Variants in CTDSPL observed in about 807,000 individuals in gnomAD.
CTDSPL encodes the protein CTD small phosphatase like.
Under a neutral mutation model 30.5 loss-of-function variants are expected in CTDSPL, and 8 were observed. That is an observed-to-expected ratio of 0.26 (90% CI 0.15 to 0.47). The LOEUF is 0.47. CTDSPL is among the 20% of genes least tolerant of loss of function. The pLI is 0.99. For synonymous variants in CTDSPL, 110 were observed against 137.9 expected (o/e 0.80, Z 1.42); for missense variants, 248 against 366.1 (o/e 0.68, Z 2.63).
At chr3:37,947,297 A>T in intron 2 of CTDSPL, 86 bp downstream of exon 2, 1 of 1,490,182 alleles carries the variant, frequency 6.7e-7, no homozygotes, top group Admixed American at 1.9e-5. Flanking sequence ...CTTAAGAAGA[A>T]TATGCAGAGC....
intron 1 of CTDSPL, among the ~76,000 whole-genome samples, chr3:37,935,813 A>T (rs529317930): frequency 6.6e-6 from 1 of 152,276 alleles, no homozygotes; most frequent in South Asian, 2.1e-4. Context: ...TTAGATCAAA[A>T]CCTACAAGAG....
intron 1 of CTDSPL, among the ~76,000 whole-genome samples, chr3:37,902,557 C>A (rs1205843826): frequency 6.6e-6 from 1 of 152,128 alleles, no homozygotes; most frequent in Non-Finnish European, 1.5e-5. Context: ...TCCATGGCTC[C>A]CCTCCCTAGG....
intron 1 of CTDSPL, among the ~76,000 whole-genome samples, chr3:37,941,755 C>G (rs767553599): frequency 6.7e-6 from 1 of 150,094 alleles, no homozygotes; most frequent in South Asian, 2.2e-4. Flanking sequence ...AGGCCTGCCC[C>G]GGGCTGAGCC....
intron 5 of CTDSPL, 104 bp downstream of exon 5, chr3:37,967,986 C>A: frequency 2.5e-6 from 2 of 804,584 alleles, no homozygotes; most frequent in Non-Finnish European, 4.0e-6. Context: ...AACTTTATTA[C>A]GGAATCAAAA....
chr3:37,931,145 C>CTTTTTTTT (rs35669035), intron 1 of CTDSPL, among the ~76,000 whole-genome samples: 1 of 139,292 alleles, frequency 7.2e-6, no homozygotes, highest in Non-Finnish European at 1.6e-5. Flanking sequence ...TCCTCTTTGT[C>CTTTTTTTT]TTTTTTTTTT....
Position 37,975,966 on chromosome 3 carries a change from T to C in CTDSPL, c.705+72T>C. ...CTGTCTTGCCAGGCAGGTACCACTT[T>C]TGAGCACCTACACAAGAAGGTCTCT... On this transcript the variant is annotated intron_variant, in intron 7 of 7. Transcript: ENST00000273179. This position sits in a 1 kb window ranked among gnomAD's most constrained non-coding sequence, Gnocchi z 4.9. 6.7e-7 allele frequency: 1 copy of C among 1,493,678 alleles called. No individual in the cohort carries two copies. The allele number at this position is 1,493,678 out of a possible 1,614,324, so 92.5% of individuals were successfully genotyped here.
At chr3:37,948,698 A>G (rs754558016) in intron 2 of CTDSPL, among the ~76,000 whole-genome samples, 4 of 152,236 alleles carry the variant, frequency 2.6e-5, no homozygotes, top group Non-Finnish European at 1.5e-5. Flanking sequence ...ATGGTCAAAC[A>G]TACGAAAAAA....
intron 1 of CTDSPL, among the ~76,000 whole-genome samples, chr3:37,942,056 C>T (rs1698985055): frequency 6.7e-6 from 1 of 150,290 alleles, no homozygotes; most frequent in African/African-American, 2.4e-5. Flanking sequence ...TAAGGGAAAA[C>T]AGCCCCCAGC....
intron 1 of CTDSPL, among the ~76,000 whole-genome samples, chr3:37,910,665 A>G (rs1698573074): frequency 6.6e-6 from 1 of 152,262 alleles, no homozygotes; most frequent in South Asian, 2.1e-4. Flanking sequence ...AAAGTTAGCT[A>G]TAAAATATTA....
At chr3:37,960,458 C>A (rs1699223393) in intron 3 of CTDSPL, among the ~76,000 whole-genome samples, 1 of 76,010 alleles carries the variant, frequency 1.3e-5, no homozygotes, top group African/African-American at 5.2e-5. Flanking sequence ...CCAGCCTGGG[C>A]AACAAGAGCA....
intron 1 of CTDSPL, among the ~76,000 whole-genome samples, chr3:37,883,910 A>T (rs1054398306): frequency 2.6e-5 from 4 of 152,226 alleles, no homozygotes; most frequent in African/African-American, 9.6e-5. Flanking sequence ...TAATGTCTGT[A>T]GAATCTATAA....
At chr3:37,938,560 A>T (rs1698940235) in intron 1 of CTDSPL, among the ~76,000 whole-genome samples, 1 of 150,222 alleles carries the variant, frequency 6.7e-6, no homozygotes. Flanking sequence ...TGGCATAAAC[A>T]TAAACATCTG....
In CTDSPL at chr3:37,975,888, G is replaced by T. The variant is rs760547530; in HGVS notation, c.699G>T (p.Glu233Asp). 2.5e-6 allele frequency: 4 copies of T among 1,612,926 alleles called. No homozygotes were observed. The South Asian group carries it at 3.3e-5, about 13-fold the overall frequency. The change falls in exon 7 of 8, where the codon GAG (glutamate) becomes GAT (aspartate). Residue 233 changes from glutamate (E) to aspartate (D), a missense_variant. This residue lies in a region of CTDSPL where 84 missense variants were observed against 139.4 expected (regional missense o/e 0.60). Coordinates refer to ENST00000273179, the MANE Select transcript of CTDSPL (RefSeq NM_001008392.2). The surrounding 1 kb of genome is among the most constrained non-coding windows in gnomAD (Gnocchi z 4.9). ...CTGCCTCATACATCTTCCATCCTGAGAATGCAGTAAGTGGCCCCAAAGAAA... is the reference window on the plus strand; with the variant it reads ...CTGCCTCATACATCTTCCATCCTGATAATGCAGTAAGTGGCCCCAAAGAAA... ...NSPASYIFHPENAVPVQSWFD... is the reference protein window; with the variant it reads ...NSPASYIFHPDNAVPVQSWFD...
At chr3:37,905,453 A>C (rs1181912463) in intron 1 of CTDSPL, among the ~76,000 whole-genome samples, 6 of 152,170 alleles carry the variant, frequency 3.9e-5, no homozygotes, top group Non-Finnish European at 7.4e-5. Context: ...GTGATTTTTA[A>C]AATATCCTGG....
chr3:37,972,494 A>G (rs1699378755), intron 6 of CTDSPL, among the ~76,000 whole-genome samples: 2 of 152,220 alleles, frequency 1.3e-5, no homozygotes, highest in South Asian at 2.1e-4. Flanking sequence ...TCTCAAAAAT[A>G]TATATACATA....
At chr3:37,946,588 G>A (rs1699041461) in intron 1 of CTDSPL, among the ~76,000 whole-genome samples, 1 of 152,164 alleles carries the variant, frequency 6.6e-6, no homozygotes, top group Non-Finnish European at 1.5e-5. Context: ...AGTGAGCAGG[G>A]GATGTCCAAG....
chr3:37,981,026 C>T lies in CTDSPL; in HGVS notation c.*159C>T. ...CCTACCTGTTTTGTTTTTTTAAGAA[C>T]AGAAACAACTATTTTAAAAGAACTC... On this transcript the variant is annotated 3_prime_UTR_variant, in exon 8 of 8. Transcript: ENST00000273179. The T allele has an allele frequency of 1.6e-6, 1 of 635,144 alleles. No individual in the cohort carries two copies. Among genetic ancestry groups the T allele is most frequent in the Non-Finnish European group, 2.3e-6 (1 of 439,292 alleles). 39.3% of individuals were successfully genotyped at this position (635,144 alleles called of 1,614,324 possible).
chr3:37,925,561 G>A (rs1323499540), intron 1 of CTDSPL, among the ~76,000 whole-genome samples: 1 of 152,178 alleles, frequency 6.6e-6, no homozygotes, highest in Non-Finnish European at 1.5e-5. Context: ...GGCTTGCAAC[G>A]TATGCCCTGC....
intron 2 of CTDSPL, among the ~76,000 whole-genome samples, chr3:37,947,802 GAAAC>G (rs1418441549): frequency 1.3e-5 from 2 of 152,196 alleles, no homozygotes. Context: ...GATAAAAAGA[GAAAC>G]AGACATAGAG....
Sources: gnomAD v4.1 joint callset for allele counts (sites outside exome capture counted in the v4.1 genomes callset) on GRCh38, gnomAD v4.1.1 for gene constraint, gnomAD v4.1.1 regional missense constraint, Gnocchi (gnomAD v3.1) non-coding constraint, MANE v1.5 for transcripts, NCBI Gene and HGNC (gene_info 2026-07-23, HGNC 2026-07-21) for gene names.